DAB1: variants seen among roughly 807,000 people sequenced by gnomAD.
DAB1 encodes the protein DAB adaptor protein 1.
In DAB1, 15 loss-of-function variants were observed where a neutral mutation model predicts 64.6. That is an observed-to-expected ratio of 0.23 (90% confidence interval 0.16 to 0.36). The LOEUF is 0.36. Among genes scored for constraint, DAB1 ranks in the 10% least tolerant of loss-of-function variants. The probability of loss-of-function intolerance (pLI) is 1.00; values close to 1 mark genes in which losing one functional copy is unlikely to be tolerated. For missense variants in DAB1, 596 were observed against 706.7 expected, an observed-to-expected ratio of 0.84 and a Z score of 1.78; for synonymous variants, 235 against 251.9, an observed-to-expected ratio of 0.93 and a Z score of 0.64.
At chr1:57,688,747 A>G (rs1646729750) in intron 6 of DAB1, among the ~76,000 whole-genome samples, 1 of 152,192 alleles carries the variant, frequency 6.6e-6, no homozygotes, top group Non-Finnish European at 1.5e-5. Context: ...AAAAGGAACA[A>G]AATTATGTCC....
chr1:58,023,471 T>C (rs151282809), intron 5 of DAB1, among the ~76,000 whole-genome samples: 1 of 152,198 alleles, frequency 6.6e-6, no homozygotes, highest in African/African-American at 2.4e-5. Flanking sequence ...GTGTGGATAT[T>C]GGTATTTTTA....
intron 1 of DAB1, among the ~76,000 whole-genome samples, chr1:57,374,984 G>A (rs895177016): frequency 3.3e-5 from 5 of 151,938 alleles, no homozygotes; most frequent in African/African-American, 1.2e-4. Context: ...TTCTGTCCCA[G>A]GATACAGGCT....
rs184545606 is a variant in DAB1 at position 58,542,057 on chromosome 1, A to G, written n.32+4646T>C. On this transcript the variant is annotated intron_variant and non_coding_transcript_variant, in intron 1 of 20. Transcript: ENST00000485760. Reference sequence around the variant, plus strand: ...TATTATCTATATATCAAACCATTTGAAAATTACTCAAATTTATTTTTTATG... The same window carrying G: ...TATTATCTATATATCAAACCATTTGGAAATTACTCAAATTTATTTTTTATG... 4.3e-4 allele frequency among the ~76,000 whole-genome samples: 65 copies of G among 152,334 alleles called. 1 individual carries two copies. The highest frequency in any genetic ancestry group is 2.6e-4 in the Non-Finnish European group (18 of 68,024).
intron 4 of DAB1, among the ~76,000 whole-genome samples, chr1:58,306,691 C>A (rs548335847): frequency 6.6e-5 from 10 of 152,284 alleles, no homozygotes; most frequent in Admixed American, 6.5e-4. Context: ...CCCCTGCTTC[C>A]AGCTCATCTC....
At chr1:57,386,106 G>A (rs1234941076) in intron 1 of DAB1, among the ~76,000 whole-genome samples, 1 of 152,142 alleles carries the variant, frequency 6.6e-6, no homozygotes, top group Non-Finnish European at 1.5e-5. Context: ...TCACTGGGTT[G>A]CTGTTGGGGT....
intron 5 of DAB1, among the ~76,000 whole-genome samples, chr1:57,901,940 A>AAAAG (rs994008264): frequency 3.3e-5 from 5 of 151,994 alleles, no homozygotes; most frequent in African/African-American, 1.2e-4. Flanking sequence ...CTTTGTATTA[A>AAAAG]AAACAAACAA....
intron 1 of DAB1, among the ~76,000 whole-genome samples, chr1:57,835,923 A>G (rs1652789869): frequency 6.6e-6 from 1 of 152,138 alleles, no homozygotes; most frequent in South Asian, 2.1e-4. Flanking sequence ...ATCCTTTGCT[A>G]ACACAGGTAC....
intron 14 of DAB1, among the ~76,000 whole-genome samples, chr1:57,000,686 T>C (rs1266588799): frequency 2.0e-5 from 3 of 152,184 alleles, no homozygotes; most frequent in Non-Finnish European, 4.4e-5. Flanking sequence ...GAAAAATATT[T>C]CCTTTTGCCT....
intron 7 of DAB1, among the ~76,000 whole-genome samples, chr1:57,644,538 C>A (rs991681208): frequency 1.2e-4 from 18 of 149,718 alleles, no homozygotes; most frequent in African/African-American, 4.4e-4. Flanking sequence ...TATGTGCATG[C>A]ACATATGTGT....
At chr1:57,044,473 C>T (rs999814740) in intron 9 of DAB1, among the ~76,000 whole-genome samples, 5 of 152,176 alleles carry the variant, frequency 3.3e-5, no homozygotes, top group African/African-American at 1.2e-4. Context: ...GCAAATACTA[C>T]AGGGAAAGGG....
At chr1:57,364,500 A>C (rs75965323) in intron 1 of DAB1, among the ~76,000 whole-genome samples, 12,763 of 152,178 alleles carry the variant, frequency 0.084, 596 homozygotes, top group Middle Eastern at 0.12. Flanking sequence ...TATCAGATTA[A>C]ATGATCTATA....
intron 7 of DAB1, among the ~76,000 whole-genome samples, chr1:57,605,265 A>G (rs1456627932): frequency 6.6e-6 from 1 of 152,136 alleles, no homozygotes; most frequent in Admixed American, 6.5e-5. Flanking sequence ...GAGAGTCTGG[A>G]GGGCAGGAAT....
chr1:57,148,764 C>T (rs183366832), intron 2 of DAB1, among the ~76,000 whole-genome samples: 1 of 152,340 alleles, frequency 6.6e-6, no homozygotes, highest in Admixed American at 6.5e-5. Flanking sequence ...AGTTAGGCTC[C>T]ATAATGAGTC....
intron 6 of DAB1, among the ~76,000 whole-genome samples, chr1:57,735,499 C>T (rs1434616427): frequency 6.6e-6 from 1 of 151,542 alleles, no homozygotes; most frequent in Admixed American, 6.6e-5. Context: ...GGATGAAAAC[C>T]AAGCAAGATA....
At chr1:57,714,498 C>T (rs1241072133) in intron 6 of DAB1, among the ~76,000 whole-genome samples, 1 of 152,140 alleles carries the variant, frequency 6.6e-6, no homozygotes. Context: ...GATCCCAGAG[C>T]TAGGTCTTGA....
At chr1:58,386,654 C>T (rs910309818) in intron 3 of DAB1, among the ~76,000 whole-genome samples, 11 of 152,264 alleles carry the variant, frequency 7.2e-5, no homozygotes, top group South Asian at 4.1e-4. Context: ...CCTCAGTTTC[C>T]GCTTTTGTAA....
At chr1:57,397,573 A>G (rs1400272861) in intron 1 of DAB1, among the ~76,000 whole-genome samples, 4 of 152,176 alleles carry the variant, frequency 2.6e-5, no homozygotes. Context: ...AAGAGAGTGC[A>G]CGTCCACACA....
At chr1:58,538,453 C>A (rs902323999) in intron 1 of DAB1, among the ~76,000 whole-genome samples, 1 of 152,132 alleles carries the variant, frequency 6.6e-6, no homozygotes, top group African/African-American at 2.4e-5. Context: ...ACCAGCACTT[C>A]TGATCCATAT....
At chr1:57,456,642 A>G (rs901957258) in intron 7 of DAB1, among the ~76,000 whole-genome samples, 5 of 152,152 alleles carry the variant, frequency 3.3e-5, no homozygotes, top group African/African-American at 4.8e-5. Context: ...ATAAAAATAT[A>G]CCAATAATCA....
Sources: allele counts gnomAD v4.1 joint callset (sites outside exome capture counted in the v4.1 genomes callset), GRCh38; gene constraint gnomAD v4.1.1; transcripts MANE v1.5; gene names NCBI Gene and HGNC (gene_info 2026-07-23, HGNC 2026-07-21).